Variants in APP observed in about 807,000 individuals in gnomAD.
APP encodes amyloid beta precursor protein.
A neutral mutation model predicts 101.4 loss-of-function variants in APP; 31 were observed. The observed-to-expected ratio is 0.31, with a 90% CI of 0.23 to 0.41. The LOEUF (loss-of-function observed/expected upper bound fraction) is 0.41. APP is among the 10% of genes least tolerant of loss of function. The pLI is 1.00. For missense variants in APP, 839 were observed against 1,003.7 expected (o/e 0.84, Z 2.22); for synonymous variants, 366 against 364.4 (o/e 1.00, Z -0.05).
intron 13 of APP, among the ~76,000 whole-genome samples, chr21:25,950,630 C>T (rs965653163): frequency 1.3e-5 from 2 of 152,144 alleles, no homozygotes; most frequent in South Asian, 4.2e-4. Context: ...GATCCACTGC[C>T]GCCGGCCTGC....
chr21:25,917,930 A>G (rs1468667437), intron 13 of APP, among the ~76,000 whole-genome samples: 1 of 152,204 alleles, frequency 6.6e-6, no homozygotes, highest in African/African-American at 2.4e-5. Context: ...AAAAAAAAAA[A>G]AAGCTCATCA....
At chr21:26,037,808 G>T (rs1336591935) in intron 5 of APP, among the ~76,000 whole-genome samples, 1 of 152,238 alleles carries the variant, frequency 6.6e-6, no homozygotes, top group Non-Finnish European at 1.5e-5. Context: ...CAATTATGTT[G>T]AAAACCATTT....
chr21:26,016,812 C>T (rs1359244651), intron 6 of APP, among the ~76,000 whole-genome samples: 3 of 152,032 alleles, frequency 2.0e-5, no homozygotes, highest in Admixed American at 6.6e-5. Context: ...CCTCGTTATC[C>T]GCCTGCCTCG....
chr21:26,088,479 A>G (rs1447869156), intron 3 of APP, among the ~76,000 whole-genome samples: 1 of 152,238 alleles, frequency 6.6e-6, no homozygotes, highest in Non-Finnish European at 1.5e-5. Context: ...AATACTTCAT[A>G]GAACAGGTAA....
chr21:26,046,976 G>A (rs991102907), intron 5 of APP, among the ~76,000 whole-genome samples: 1 of 152,168 alleles, frequency 6.6e-6, no homozygotes, highest in Non-Finnish European at 1.5e-5. Context: ...GCTACATAAT[G>A]TTAGTAACAG....
chr21:26,052,535 CAG>C (rs2045878995), intron 4 of APP, among the ~76,000 whole-genome samples: 1 of 152,226 alleles, frequency 6.6e-6, no homozygotes, highest in Admixed American at 6.5e-5. Flanking sequence ...TCTTACCACA[CAG>C]TGACCTTTTC....
chr21:26,048,843 A>G (rs2045720313), intron 5 of APP, among the ~76,000 whole-genome samples: 1 of 152,212 alleles, frequency 6.6e-6, no homozygotes, highest in South Asian at 2.1e-4. Flanking sequence ...GGCACTTTAG[A>G]GTTGACAAAT....
chr21:26,035,623 C>A (rs188415679), intron 5 of APP, among the ~76,000 whole-genome samples: 2 of 152,214 alleles, frequency 1.3e-5, no homozygotes, highest in Admixed American at 6.5e-5. Flanking sequence ...GGTTTTTAAG[C>A]GTATTGGTAA....
intron 7 of APP, 106 bp downstream of exon 7, chr21:25,999,909 G>T: frequency 7.7e-7 from 1 of 1,299,688 alleles, no homozygotes. Flanking sequence ...GTTAGTGGTA[G>T]CAACAGGCCC....
intron 6 of APP, among the ~76,000 whole-genome samples, chr21:26,003,705 A>C (rs1009055383): frequency 1.3e-4 from 20 of 152,218 alleles, no homozygotes; most frequent in African/African-American, 4.8e-4. Context: ...GGATGAGCAG[A>C]TAGGCCTTCT....
At chr21:25,911,632 A>C in intron 14 of APP, 109 bp downstream of exon 14, 3 of 996,734 alleles carry the variant, frequency 3.0e-6, no homozygotes, top group Non-Finnish European at 3.0e-6. Context: ...ACATCAAAAA[A>C]AATTCACCAC....
intron 1 of APP, among the ~76,000 whole-genome samples, chr21:26,170,130 A>G (rs2146413747): frequency 6.6e-6 from 1 of 152,288 alleles, no homozygotes; most frequent in East Asian, 1.9e-4. Context: ...GCCCAAGAGA[A>G]AGGAAAGGGC....
intron 3 of APP, among the ~76,000 whole-genome samples, chr21:26,088,308 A>G (rs1185343281): frequency 5.9e-5 from 9 of 152,240 alleles, no homozygotes; most frequent in African/African-American, 1.7e-4. Context: ...CTTTAATACA[A>G]ATCATTCTGA....
At chr21:26,112,225 CA>C in intron 1 of APP, 79 bp from the exon 2 acceptor site, 1 of 1,446,440 alleles carries the variant, frequency 6.9e-7, no homozygotes, top group Non-Finnish European at 9.7e-7. Flanking sequence ...GGATAACTAT[CA>C]AAAAGAGTTC....
chr21:26,053,832 A>T (rs2045932061), intron 3 of APP, among the ~76,000 whole-genome samples: 1 of 152,236 alleles, frequency 6.6e-6, no homozygotes, highest in Admixed American at 6.5e-5. Context: ...AGTGTATTTT[A>T]TATATATGTT....
intron 13 of APP, among the ~76,000 whole-genome samples, chr21:25,946,299 T>TAA (rs2040818691): frequency 6.6e-6 from 1 of 152,140 alleles, no homozygotes; most frequent in Non-Finnish European, 1.5e-5. Context: ...ACAGAATGGG[T>TAA]AAAATATTTC....
chr21:26,009,899 C>A, intron 6 of APP: 1 of 174,886 alleles, frequency 5.7e-6, no homozygotes. Context: ...GAATGTACTT[C>A]CTTATACCAC....
At chr21:25,991,767 G>A (rs951128531) in intron 8 of APP, among the ~76,000 whole-genome samples, 3 of 152,178 alleles carry the variant, frequency 2.0e-5, no homozygotes, top group African/African-American at 4.8e-5. Flanking sequence ...TGCTACCACT[G>A]CATAGTTAAG....
At chr21:25,975,628 T>C (rs529550870) in intron 10 of APP, among the ~76,000 whole-genome samples, 78 of 152,294 alleles carry the variant, frequency 5.1e-4, no homozygotes, top group African/African-American at 1.9e-3. Flanking sequence ...CTGGTTTCCA[T>C]CAAAAATTCA....
Sources: allele counts gnomAD v4.1 joint callset (sites outside exome capture counted in the v4.1 genomes callset), GRCh38; gene constraint gnomAD v4.1.1; transcripts MANE v1.5; gene names NCBI Gene and HGNC (gene_info 2026-07-23, HGNC 2026-07-21).